GPC6: variants seen among roughly 807,000 people sequenced by gnomAD.
GPC6 encodes glypican-6.
Under a neutral mutation model 55.2 loss-of-function variants are expected in GPC6, and 14 were observed. That is an observed-to-expected ratio of 0.25 (90% CI 0.17 to 0.40). The LOEUF (loss-of-function observed/expected upper bound fraction) is 0.40, where lower values mean the gene tolerates loss of function less well. Among genes scored for constraint, GPC6 ranks in the 10% least tolerant of loss-of-function variants. GPC6 has a pLI of 1.00. For missense variants in GPC6, 641 were observed against 708.5 expected (o/e 0.90, Z 1.08); for synonymous variants, 278 against 259.6 (o/e 1.07, Z -0.68).
chr13:94,044,320 A>G (rs1883646832), intron 4 of GPC6, among the ~76,000 whole-genome samples: 1 of 151,882 alleles, frequency 6.6e-6, no homozygotes, highest in Non-Finnish European at 1.5e-5. Context: ...ACTTAAATTT[A>G]TGCCTAGTGT....
intron 2 of GPC6, among the ~76,000 whole-genome samples, chr13:93,779,594 A>T (rs1181121018): frequency 6.6e-6 from 1 of 152,152 alleles, no homozygotes; most frequent in Non-Finnish European, 1.5e-5. Context: ...GGGTTCTGTG[A>T]TTCAATTTCA....
At chr13:94,154,277 T>C (rs1887849531) in intron 4 of GPC6, 1 of 152,174 alleles carries the variant, frequency 6.6e-6, no homozygotes, top group African/African-American at 2.4e-5. Flanking sequence ...TAGTGTTGTT[T>C]TTAGGCCAGT....
At chr13:93,246,196 G>T (rs964205591) in intron 1 of GPC6, among the ~76,000 whole-genome samples, 1 of 152,072 alleles carries the variant, frequency 6.6e-6, no homozygotes, top group Non-Finnish European at 1.5e-5. Flanking sequence ...ATTTAGAGCT[G>T]GTCACTCTGC....
At chr13:94,263,876 G>A (rs1891719005) in intron 4 of GPC6, among the ~76,000 whole-genome samples, 2 of 152,278 alleles carry the variant, frequency 1.3e-5, no homozygotes, top group African/African-American at 4.8e-5. Context: ...TGTAATAAAA[G>A]ACACAGGTGG....
At chr13:93,953,592 C>T (rs1364219815) in intron 3 of GPC6, among the ~76,000 whole-genome samples, 1 of 152,156 alleles carries the variant, frequency 6.6e-6, no homozygotes, top group Non-Finnish European at 1.5e-5. Flanking sequence ...AATCAAACAT[C>T]AATTTATTTT....
At chr13:94,326,629 A>G (rs768638336) in intron 6 of GPC6, among the ~76,000 whole-genome samples, 2 of 152,204 alleles carry the variant, frequency 1.3e-5, no homozygotes, top group Non-Finnish European at 2.9e-5. Context: ...GTTTGTTACC[A>G]TCAATAAACC....
At chr13:93,681,800 A>G (rs1365361415) in intron 2 of GPC6, among the ~76,000 whole-genome samples, 1 of 152,174 alleles carries the variant, frequency 6.6e-6, no homozygotes, top group Non-Finnish European at 1.5e-5. Context: ...ACTCAATATT[A>G]CCCAAAGATA....
chr13:94,031,674 GT>G (rs1340223355), intron 4 of GPC6, among the ~76,000 whole-genome samples: 5 of 152,194 alleles, frequency 3.3e-5, no homozygotes, highest in Non-Finnish European at 7.3e-5. Flanking sequence ...ATGCAAAATG[GT>G]TTTCTTGAAA....
chr13:93,971,962 G>C (rs1880300785), intron 3 of GPC6, among the ~76,000 whole-genome samples: 1 of 152,202 alleles, frequency 6.6e-6, no homozygotes, highest in Non-Finnish European at 1.5e-5. Flanking sequence ...CGTCAGGCTA[G>C]TGGCAGAAGC....
chr13:94,207,797 C>A (rs1471515779), intron 4 of GPC6, among the ~76,000 whole-genome samples: 2 of 152,138 alleles, frequency 1.3e-5, no homozygotes, highest in Non-Finnish European at 2.9e-5. Context: ...TATCCCTGGG[C>A]AAACTGTTGT....
At chr13:93,967,688 CA>C (rs1359763461) in intron 3 of GPC6, among the ~76,000 whole-genome samples, 1 of 152,098 alleles carries the variant, frequency 6.6e-6, no homozygotes, top group Non-Finnish European at 1.5e-5. Context: ...TGATTATAAC[CA>C]AGTGAGATAT....
chr13:94,123,175 T>G (rs1886695782), intron 4 of GPC6, among the ~76,000 whole-genome samples: 1 of 152,054 alleles, frequency 6.6e-6, no homozygotes, highest in African/African-American at 2.4e-5. Context: ...AGTAAATATT[T>G]AAGTATCAAT....
At chr13:94,375,366 A>G (rs549072873) in intron 6 of GPC6, among the ~76,000 whole-genome samples, 1 of 152,320 alleles carries the variant, frequency 6.6e-6, no homozygotes, top group East Asian at 1.9e-4. Flanking sequence ...TAAGGGGGAT[A>G]TCACCACCGA....
chr13:93,463,738 G>T (rs1014976635), intron 1 of GPC6, among the ~76,000 whole-genome samples: 14 of 140,256 alleles, frequency 1.0e-4, no homozygotes, highest in Non-Finnish European at 1.9e-4. Flanking sequence ...GTAAGTAAAT[G>T]GCTCCACTTT....
intron 2 of GPC6, among the ~76,000 whole-genome samples, chr13:93,758,864 G>T (rs899864448): frequency 6.6e-6 from 1 of 152,044 alleles, no homozygotes; most frequent in African/African-American, 2.4e-5. Context: ...TTGTTCGCAG[G>T]TTTAATTTTT....
intron 1 of GPC6, among the ~76,000 whole-genome samples, chr13:93,355,133 A>C (rs1005066721): frequency 1.3e-5 from 2 of 152,188 alleles, no homozygotes; most frequent in Non-Finnish European, 2.9e-5. Context: ...ATCTTGATAA[A>C]TATTAACGTT....
intron 1 of GPC6, among the ~76,000 whole-genome samples, chr13:93,324,064 G>A (rs1879553207): frequency 6.6e-6 from 1 of 152,032 alleles, no homozygotes; most frequent in Non-Finnish European, 1.5e-5. Context: ...ACAGATGAAT[G>A]GATAAAGAAA....
intron 1 of GPC6, among the ~76,000 whole-genome samples, chr13:93,337,864 A>T (rs1288960676): frequency 6.6e-6 from 1 of 152,156 alleles, no homozygotes; most frequent in African/African-American, 2.4e-5. Context: ...GGAAGTTTAT[A>T]GGTTCTGTTT....
chr13:93,639,147 G>A (rs1355581676), intron 2 of GPC6, among the ~76,000 whole-genome samples: 1 of 151,982 alleles, frequency 6.6e-6, no homozygotes, highest in Non-Finnish European at 1.5e-5. Context: ...AGCAAGGAGG[G>A]GTAAAAAAAT....
Sources: gnomAD v4.1 joint callset for allele counts (sites outside exome capture counted in the v4.1 genomes callset) on GRCh38, gnomAD v4.1.1 for gene constraint, MANE v1.5 for transcripts, NCBI Gene and HGNC (gene_info 2026-07-23, HGNC 2026-07-21) for gene names.